LAMA5: variants seen among roughly 807,000 people sequenced by gnomAD.
LAMA5 encodes the protein laminin subunit alpha-5.
A neutral mutation model predicts 433.4 loss-of-function variants in LAMA5; 260 were observed. That is an observed-to-expected ratio of 0.60 (90% confidence interval 0.54 to 0.66). The LOEUF is 0.66. LAMA5 is among the 30% of genes least tolerant of loss of function. The probability of loss-of-function intolerance (pLI) is 0.00; values close to 1 mark genes in which losing one functional copy is unlikely to be tolerated. For missense variants in LAMA5, 5,378 were observed against 5,258.5 expected, an observed-to-expected ratio of 1.02 and a Z score of -0.70; for synonymous variants, 2,620 against 2,226.6, an observed-to-expected ratio of 1.18 and a Z score of -4.97.
rs747401768 is a variant in LAMA5 at position 62,338,167 on chromosome 20, G to C, written c.1757-17C>G. 1 of 1,570,988 alleles carries C rather than the reference G, an allele frequency of 6.4e-7. No homozygotes were observed. The highest frequency in any genetic ancestry group is 1.8e-5 in the Admixed American group (1 of 56,770). ...AGCCACACACTGCAGAGCGGAGCGG[G>C]TGTCACGGTAGGCCAGGCCCACGGG... On this transcript the variant is annotated splice_polypyrimidine_tract_variant and intron_variant, in intron 13 of 79. Transcript: ENST00000252999.
intron 54 of LAMA5, 46 bp downstream of exon 54, chr20:62,317,616 G>A (rs1271251973): frequency 2.0e-6 from 3 of 1,520,400 alleles, no homozygotes; most frequent in East Asian, 2.3e-5. Context: ...CTGGGAGGGA[G>A]TTGGCCGTGG....
At chr20:62,332,283 G>C in intron 28 of LAMA5, 89 bp downstream of exon 28, 2 of 936,808 alleles carry the variant, frequency 2.1e-6, no homozygotes, top group Non-Finnish European at 3.4e-6. Context: ...GGGGACCTGG[G>C]ACCCCAACTG....
At position 62,321,398 on chromosome 20, in the gene LAMA5, G is replaced by A. The variant is rs200897121; in HGVS notation, c.6497-508C>T. Among the ~76,000 whole-genome samples, 38 of 5,342 alleles carry A rather than the reference G, an allele frequency of 7.1e-3. 4 individuals are homozygous for A. The highest frequency in any genetic ancestry group is 0.1 in the Middle Eastern group (1 of 10). 3.5% of individuals were successfully genotyped at this position (5,342 alleles called of 152,430 possible). On this transcript the variant is annotated intron_variant, in intron 48 of 79. Transcript: ENST00000252999. The stretch of plus-strand genomic sequence containing the variant: ...CAGTGGAGGGGTGGGGTCAGAGGAC[G>A]GGTGGGTTCAGAGGACGGGTAGGGT...
At chr20:62,316,427 G>A (rs1171411231) in intron 57 of LAMA5, 2 of 522,204 alleles carry the variant, frequency 3.8e-6, no homozygotes, top group South Asian at 3.0e-5. Context: ...TGTGCCCTGT[G>A]GCTCAGCTGG....
rs755359662 is a variant in LAMA5, at chr20:62,310,756, G to A, written c.10355C>T (p.Pro3452Leu). The change falls in exon 75 of 80, where the codon CCG (proline) becomes CTG (leucine). Residue 3452 changes from proline to leucine, a missense_variant. Coordinates refer to ENST00000252999, the MANE Select transcript of LAMA5 (RefSeq NM_005560.6). ...CTCTGCCCCCTGGTGCTGCCGGTGC[G>A]GCCCCTCCTGGCTCCAGGCCCGGGC... is the stretch of plus-strand genomic sequence containing the variant. Reference protein sequence around the residue: ...DGARAWSQEGPHRQHQGAEHP... With the variant: ...DGARAWSQEGLHRQHQGAEHP... 18 of 1,566,814 alleles carry A rather than the reference G, an allele frequency of 1.1e-5. No individual in the cohort carries two copies. The highest frequency in any genetic ancestry group is 5.5e-5 in the Admixed American group (3 of 54,662).
chr20:62,363,087 G>C (rs748821107), intron 1 of LAMA5, among the ~76,000 whole-genome samples: 8 of 152,202 alleles, frequency 5.3e-5, no homozygotes, highest in Non-Finnish European at 1.0e-4. Flanking sequence ...GGGGCGGAAG[G>C]GGGAGCTGCA....
Position 62,317,027 on chromosome 20 carries a change from C to CA in LAMA5, c.7512-5dup. 1 of 1,521,756 alleles carries CA rather than the reference C, an allele frequency of 6.6e-7. No homozygotes were observed. The highest frequency in any genetic ancestry group is 8.8e-7 in the Non-Finnish European group (1 of 1,133,116). The allele number at this position is 1,521,756 out of a possible 1,614,324, so 94.3% of individuals were successfully genotyped here. A position where few individuals can be genotyped will look rare whatever the true frequency, so the allele number is the denominator to read the frequency against. On this transcript the variant is annotated splice_region_variant and splice_polypyrimidine_tract_variant and intron_variant, in intron 55 of 79. Transcript: ENST00000252999. ...CTGGTTGACGTCCAGGATGATGCTG[C>CA]AGCGGAAGGGAGGGTCGAAGGAGTG...
chr20:62,338,447 G>T, intron 12 of LAMA5, 21 bp downstream of exon 12: 1 of 1,607,660 alleles, frequency 6.2e-7, no homozygotes, highest in Non-Finnish European at 8.5e-7. Context: ...GGTAGAGGTT[G>T]AGCGGGGAGA....
chr20:62,319,929 G>A (rs867062695), intron 50 of LAMA5, 134 bp from the exon 51 acceptor site: 3 of 562,726 alleles, frequency 5.3e-6, no homozygotes, highest in Admixed American at 3.0e-5. Flanking sequence ...TCTCTTATCT[G>A]ATGACTTGTT....
chr20:62,352,440 C>T (rs958838193), intron 3 of LAMA5, 80 bp from the exon 4 acceptor site: 4 of 1,073,574 alleles, frequency 3.7e-6, no homozygotes, highest in Non-Finnish European at 5.5e-6. Flanking sequence ...CCCTTGACGT[C>T]TCCGGGCCTT....
chr20:62,333,571 A>ACC lies in LAMA5; in HGVS notation c.3012_3013dup (p.Val1005GlyfsTer24). The ACC allele has an allele frequency of 1.3e-6, 2 of 1,565,232 alleles. No homozygotes were observed. ...CTCTGGCCCCTGCCTCACCAGGAGC[A>ACC]CCCCTTCGGCCTCCACACGCAGGGC... On this transcript the variant is annotated frameshift_variant, in exon 24 of 80. Transcript: ENST00000252999. LOFTEE classifies it high-confidence loss of function.
In LAMA5 at chr20:62,362,798, G is replaced by C. The variant is rs1162794102; in HGVS notation, c.298-246C>G. Among the ~76,000 whole-genome samples, 4 of 152,088 alleles carry C rather than the reference G, an allele frequency of 2.6e-5. No homozygotes were observed. In the East Asian group the frequency reaches 7.7e-4, roughly 29 times the overall value. ...GACAAGAGGAAGACCAGGGTGGAGA[G>C]GGGCATCTGCCTTGGGTGGGAAAAT... is the stretch of plus-strand genomic sequence containing the variant. On this transcript the variant is annotated intron_variant, in intron 1 of 79. Transcript: ENST00000252999.
At position 62,312,712 on chromosome 20, in the gene LAMA5, G is replaced by A. The variant is rs981339658; in HGVS notation, c.9147C>T (p.Tyr3049=). 2 of 1,601,654 alleles carry A rather than the reference G, an allele frequency of 1.2e-6. No individual in the cohort carries two copies. Among genetic ancestry groups the A allele is most frequent in the African/African-American group, 2.7e-5 (2 of 74,560 alleles). The change falls in exon 67 of 80, where the codon TAC becomes TAT. Residue 3049 remains tyrosine (Y), a synonymous_variant. Coordinates refer to ENST00000252999, the MANE Select transcript of LAMA5 (RefSeq NM_005560.6). ...CCAGATCATTGTCCTGCTCCACGCT[G>A]TACACCGTGGCCCGCTCCACACGCA... ...VLVRVERATV[Y]SVEQDNDLEL...
chr20:62,310,831 T>TG lies in LAMA5; in HGVS notation c.10282-3dup. 6.4e-7 allele frequency: 1 copy of TG among 1,569,832 alleles called. No homozygotes were observed. Among genetic ancestry groups the TG allele is most frequent in the Non-Finnish European group, 8.6e-7 (1 of 1,157,414 alleles). ...GTTCTTCTCCCAGCGCACGGAGACC[T>TG]GGGGGCAGGAGATGGGTCAGGGTAG... On this transcript the variant is annotated splice_polypyrimidine_tract_variant and splice_region_variant and intron_variant, in intron 74 of 79. Transcript: ENST00000252999.
chr20:62,335,192 C>T (rs1278257588), intron 19 of LAMA5, 25 bp downstream of exon 19: 2 of 1,612,796 alleles, frequency 1.2e-6, no homozygotes, highest in Non-Finnish European at 8.5e-7. Context: ...CCCCAAATCC[C>T]CCACACCTTG....
chr20:62,320,530 G>A (rs769590544), intron 50 of LAMA5, 29 bp downstream of exon 50: 60 of 1,538,378 alleles, frequency 3.9e-5, no homozygotes, highest in African/African-American at 1.2e-4. Context: ...AAAGCCTCCC[G>A]GGGCCCTGGG....
At chr20:62,309,543 A>T (rs1193619625) in intron 79 of LAMA5, 68 bp from the exon 80 acceptor site, 1 of 1,239,924 alleles carries the variant, frequency 8.1e-7, no homozygotes, top group Admixed American at 2.8e-5. Flanking sequence ...GCCCTTCCCA[A>T]ACGTCAGTGC....
chr20:62,318,561 C>T lies in LAMA5; in HGVS notation c.7132G>A (p.Glu2378Lys), dbSNP rs763121557. 6.6e-5 allele frequency: 106 copies of T among 1,610,178 alleles called. No individual in the cohort carries two copies. The highest frequency in any genetic ancestry group is 7.9e-5 in the Non-Finnish European group (93 of 1,179,038). Residue 2378 changes from glutamate to lysine, a missense_variant, in exon 53 of 80, where the codon GAG (glutamate) becomes AAG (lysine). By Grantham distance (56) the Glu-to-Lys change is moderately conservative. Coordinates refer to ENST00000252999, the MANE Select transcript of LAMA5 (RefSeq NM_005560.6). The part of the protein sequence containing the change: ...TQTRDRLAQH[E>K]AGLMDLREAL... ...TCTCGCAGGTCCATGAGGCCGGCCT[C>T]GTGCTGGGCCAGCCGGTCGCGGGTT... is the stretch of plus-strand genomic sequence containing the variant.
At position 62,330,961 on chromosome 20, in the gene LAMA5, G is replaced by A; in HGVS notation, c.3651-17C>T. Reference sequence around the variant, plus strand: ...CAGGCGGCACTGGTGAGAGCACAGTGGGTGAGTCAGAGCCGGCCCTGCCGC... The same window carrying A: ...CAGGCGGCACTGGTGAGAGCACAGTAGGTGAGTCAGAGCCGGCCCTGCCGC... On this transcript the variant is annotated splice_polypyrimidine_tract_variant and intron_variant, in intron 29 of 79. Coordinates refer to ENST00000252999, the MANE Select transcript of LAMA5 (RefSeq NM_005560.6). 5 of 1,555,980 alleles carry A rather than the reference G, an allele frequency of 3.2e-6. No homozygotes were observed. Among genetic ancestry groups the A allele is most frequent in the South Asian group, 2.4e-5 (2 of 85,030 alleles).
Sources: allele counts gnomAD v4.1 joint callset (sites outside exome capture counted in the v4.1 genomes callset), GRCh38; gene constraint gnomAD v4.1.1; transcripts MANE v1.5; gene names NCBI Gene and HGNC (gene_info 2026-07-23, HGNC 2026-07-21).